MAN1A1: variants seen among roughly 807,000 people sequenced by gnomAD.
The protein encoded by MAN1A1 is mannosidase alpha class 1A member 1.
MAN1A1 carries 29 observed loss-of-function variants against 70.8 expected under a neutral mutation model. That is an observed-to-expected ratio of 0.41 (90% CI 0.31 to 0.56). The LOEUF (loss-of-function observed/expected upper bound fraction) is 0.56, where lower values mean the gene tolerates loss of function less well. MAN1A1 is among the 20% of genes least tolerant of loss of function. The pLI is 0.29. For synonymous variants in MAN1A1, 349 were observed against 330.1 expected, an observed-to-expected ratio of 1.06 and a Z score of -0.62; for missense variants, 747 against 841.3, an observed-to-expected ratio of 0.89 and a Z score of 1.39.
intron 2 of MAN1A1, among the ~76,000 whole-genome samples, chr6:119,334,987 C>G (rs1041814042): frequency 6.6e-6 from 1 of 152,186 alleles, no homozygotes; most frequent in Admixed American, 6.5e-5. Flanking sequence ...GAATGAGGAA[C>G]CACTCCATTC....
chr6:119,228,501 C>T (rs1389145405), intron 6 of MAN1A1, among the ~76,000 whole-genome samples: 4 of 151,962 alleles, frequency 2.6e-5, no homozygotes, highest in Non-Finnish European at 5.9e-5. Flanking sequence ...TAATGGAATA[C>T]GTTATTAGAA....
chr6:119,347,852 A>C, intron 2 of MAN1A1, among the ~76,000 whole-genome samples: 1 of 152,246 alleles, frequency 6.6e-6, no homozygotes, highest in Non-Finnish European at 1.5e-5. Flanking sequence ...CATCACATGG[A>C]ATACCCTATT....
At chr6:119,289,097 C>A (rs1055761345) in intron 5 of MAN1A1, among the ~76,000 whole-genome samples, 11 of 151,436 alleles carry the variant, frequency 7.3e-5, no homozygotes, top group Non-Finnish European at 1.6e-4. Context: ...CAAGTATACA[C>A]ATATATAGAA....
At chr6:119,184,941 T>A (rs1773247879) in intron 11 of MAN1A1, among the ~76,000 whole-genome samples, 1 of 152,138 alleles carries the variant, frequency 6.6e-6, no homozygotes, top group African/African-American at 2.4e-5. Context: ...CAGGCTGGCG[T>A]GCAGCGGTGT....
chr6:119,267,966 T>C (rs1243201128), intron 5 of MAN1A1, among the ~76,000 whole-genome samples: 1 of 151,462 alleles, frequency 6.6e-6, no homozygotes, highest in Non-Finnish European at 1.5e-5. Flanking sequence ...CTTCCTTCTG[T>C]ATTTATGACA....
chr6:119,195,524 C>T (rs1773545142), intron 8 of MAN1A1, among the ~76,000 whole-genome samples: 1 of 152,166 alleles, frequency 6.6e-6, no homozygotes, highest in South Asian at 2.1e-4. Context: ...TCCTTTGTCA[C>T]ACACTTTTTG....
intron 6 of MAN1A1, among the ~76,000 whole-genome samples, chr6:119,232,286 T>C (rs956571468): frequency 6.9e-6 from 1 of 145,510 alleles, no homozygotes; most frequent in African/African-American, 2.5e-5. Context: ...GGCAAGAGAA[T>C]GGAGTGAACC....
chr6:119,263,332 C>G (rs1268850985), intron 5 of MAN1A1, among the ~76,000 whole-genome samples: 1 of 152,086 alleles, frequency 6.6e-6, no homozygotes, highest in Non-Finnish European at 1.5e-5. Flanking sequence ...AGCGCCCTAA[C>G]TAATACAATG....
At chr6:119,284,062 C>T (rs1424134911) in intron 5 of MAN1A1, among the ~76,000 whole-genome samples, 4 of 152,070 alleles carry the variant, frequency 2.6e-5, no homozygotes, top group Non-Finnish European at 5.9e-5. Flanking sequence ...TCAAGTTTTC[C>T]AGTTTTGGTT....
intron 6 of MAN1A1, among the ~76,000 whole-genome samples, chr6:119,214,832 C>T (rs576615085): frequency 1.3e-5 from 2 of 152,054 alleles, no homozygotes; most frequent in Admixed American, 6.6e-5. Context: ...AACAAATTAC[C>T]GTCATTATTT....
intron 4 of MAN1A1, among the ~76,000 whole-genome samples, chr6:119,299,187 A>C (rs1434169747): frequency 6.6e-6 from 1 of 152,130 alleles, no homozygotes; most frequent in African/African-American, 2.4e-5. Flanking sequence ...TATTAAAACC[A>C]ACTAGAATAC....
chr6:119,203,169 T>C (rs898743310), intron 7 of MAN1A1, among the ~76,000 whole-genome samples: 9 of 152,314 alleles, frequency 5.9e-5, no homozygotes, highest in African/African-American at 2.2e-4. Context: ...TTTCGGTTGT[T>C]TCTGGCTGCA....
intron 2 of MAN1A1, among the ~76,000 whole-genome samples, chr6:119,340,649 A>G (rs968409798): frequency 7.9e-5 from 12 of 152,194 alleles, no homozygotes; most frequent in African/African-American, 2.7e-4. Context: ...TTCAGAGGGT[A>G]GCAATGCTGT....
At chr6:119,326,974 A>C (rs1345625941) in intron 2 of MAN1A1, among the ~76,000 whole-genome samples, 1 of 152,174 alleles carries the variant, frequency 6.6e-6, no homozygotes, top group Non-Finnish European at 1.5e-5. Flanking sequence ...ATAGTACCAA[A>C]AGTGGTAAGC....
chr6:119,345,652 A>G (rs73767462), intron 2 of MAN1A1, among the ~76,000 whole-genome samples: 151 of 152,348 alleles, frequency 9.9e-4, no homozygotes, highest in African/African-American at 3.5e-3. Flanking sequence ...TAGATATAAA[A>G]AATAGTATTG....
chr6:119,281,127 A>T (rs1259446986), intron 5 of MAN1A1, among the ~76,000 whole-genome samples: 1 of 152,294 alleles, frequency 6.6e-6, no homozygotes, highest in East Asian at 1.9e-4. Flanking sequence ...CTTTGTAAAC[A>T]AGTGCTTTTT....
chr6:119,275,457 C>T (rs1223400547), intron 5 of MAN1A1, among the ~76,000 whole-genome samples: 19 of 147,448 alleles, frequency 1.3e-4, no homozygotes, highest in Non-Finnish European at 2.0e-4. Context: ...CAGGCGCCCG[C>T]CACTACGCCC....
Position 119,290,657 on chromosome 6 carries a change from C to G in MAN1A1, c.897+26G>C, listed in dbSNP as rs763543181. On this transcript the variant is annotated intron_variant, in intron 5 of 12. Transcript: ENST00000368468. ...GTAGTTTAAGACACTTTATAATTCACATTTATATACCACTTTTCATCTTAC... is the reference window on the plus strand; with the variant it reads ...GTAGTTTAAGACACTTTATAATTCAGATTTATATACCACTTTTCATCTTAC... 1.1e-5 allele frequency: 17 copies of G among 1,537,724 alleles called. No homozygotes were observed. In the East Asian group the frequency reaches 3.4e-4, roughly 31 times the overall value.
intron 2 of MAN1A1, among the ~76,000 whole-genome samples, chr6:119,320,642 A>G (rs544873746): frequency 1.3e-5 from 2 of 152,168 alleles, no homozygotes; most frequent in East Asian, 1.9e-4. Context: ...AAAAAAAAAA[A>G]GAGGTATGTG....
Sources: gnomAD v4.1 joint callset for allele counts (sites outside exome capture counted in the v4.1 genomes callset) on GRCh38, gnomAD v4.1.1 for gene constraint, MANE v1.5 for transcripts, NCBI Gene and HGNC (gene_info 2026-07-23, HGNC 2026-07-21) for gene names.